Variants in RNF111 observed in about 807,000 individuals in gnomAD.
RNF111 encodes ring finger protein 111.
Under a neutral mutation model 95.1 loss-of-function variants are expected in RNF111, and 17 were observed. The ratio of observed to expected loss-of-function variants is 0.18; its 90% confidence interval spans 0.12 to 0.27. The LOEUF is 0.27. RNF111 is among the 10% of genes least tolerant of loss of function. RNF111 has a pLI of 1.00. For missense variants in RNF111, 1,189 were observed against 1,210.4 expected (o/e 0.98, Z 0.26); for synonymous variants, 440 against 414.8 (o/e 1.06, Z -0.74).
intron 10 of RNF111, among the ~76,000 whole-genome samples, chr15:59,088,251 G>T (rs971431879): frequency 6.6e-6 from 1 of 152,228 alleles, no homozygotes; most frequent in East Asian, 1.9e-4. Context: ...GATTGAGTTC[G>T]AATAGGAGAA....
chr15:59,060,843 C>T (rs1233926542), intron 5 of RNF111, among the ~76,000 whole-genome samples: 1 of 149,548 alleles, frequency 6.7e-6, no homozygotes, highest in Non-Finnish European at 1.5e-5. Context: ...ACTCTGTTGC[C>T]CAGGCCTGTG....
intron 2 of RNF111, among the ~76,000 whole-genome samples, chr15:59,050,066 C>CT (rs199954505): frequency 0.094 from 12,968 of 138,144 alleles, 732 homozygotes; most frequent in East Asian, 0.27. Flanking sequence ...TTTTCTTTTT[C>CT]TTTTTTTTTT....
intron 1 of RNF111, among the ~76,000 whole-genome samples, chr15:59,026,452 T>C (rs2040615088): frequency 6.6e-6 from 1 of 152,182 alleles, no homozygotes; most frequent in Admixed American, 6.5e-5. Flanking sequence ...GGTTTCAGTA[T>C]TGAAACAGTG....
intron 2 of RNF111, among the ~76,000 whole-genome samples, chr15:59,037,678 A>C (rs2041246199): frequency 6.6e-6 from 1 of 152,062 alleles, no homozygotes; most frequent in Non-Finnish European, 1.5e-5. Flanking sequence ...CTCTACTAAA[A>C]ATACAAAATT....
chr15:59,052,560 G>A, intron 3 of RNF111, 129 bp downstream of exon 3: 1 of 376,798 alleles, frequency 2.7e-6, no homozygotes. Context: ...GCATATATCA[G>A]ATTAGTGGAT....
chr15:59,028,275 C>T (rs1343655585), intron 1 of RNF111, among the ~76,000 whole-genome samples: 1 of 152,160 alleles, frequency 6.6e-6, no homozygotes, highest in Non-Finnish European at 1.5e-5. Context: ...TTTTACTTAG[C>T]ATATTGTTTA....
At chr15:59,078,845 C>T (rs1044538263) in intron 7 of RNF111, among the ~76,000 whole-genome samples, 9 of 144,070 alleles carry the variant, frequency 6.2e-5, no homozygotes, top group South Asian at 2.2e-4. Flanking sequence ...GGCGATAGAG[C>T]GAGTCTCCCT....
At position 59,065,323 on chromosome 15, in the gene RNF111, T is replaced by C. The variant is rs2042609466; in HGVS notation, c.1367-1441T>C. Among the ~76,000 whole-genome samples the C allele has an allele frequency of 2.0e-5, 3 of 152,194 alleles. No individual in the cohort carries two copies. In the South Asian group the frequency reaches 6.2e-4, roughly 32 times the overall value. On this transcript the variant is annotated intron_variant, in intron 5 of 13. Transcript: ENST00000348370. ...AAGCGTTTCTAGGTTTTAAATGAAT[T>C]TGAAACACTGGGACAGACTTTCAGA...
At position 59,076,228 on chromosome 15, in the gene RNF111, T is replaced by A. The variant is rs374626414; in HGVS notation, c.1948+13T>A. 19 of 1,605,188 alleles carry A rather than the reference T, an allele frequency of 1.2e-5. No homozygotes were observed. The highest frequency in any genetic ancestry group is 1.7e-4 in the Middle Eastern group (1 of 6,034). ...ATGCCACCCCCTTGTAAGTATATAC[T>A]TAGTGGACACAAAATCTAGAGTCAT... On this transcript the variant is annotated intron_variant, in intron 7 of 13. Coordinates refer to ENST00000348370, the MANE Select transcript of RNF111 (RefSeq NM_017610.8).
chr15:58,987,946 C>G lies in RNF111; in HGVS notation c.-142C>G, dbSNP rs1170300198. 1 of 152,490 alleles carries G rather than the reference C, an allele frequency of 6.6e-6. No homozygotes were observed. Among genetic ancestry groups the G allele is most frequent in the Non-Finnish European group, 1.5e-5 (1 of 68,168 alleles). 9.4% of individuals were successfully genotyped at this position (152,490 alleles called of 1,614,324 possible). On this transcript the variant is annotated 5_prime_UTR_variant, in exon 1 of 14. Coordinates refer to ENST00000348370, the MANE Select transcript of RNF111 (RefSeq NM_017610.8). ...TCTTGACTCTAGGGGCCTATTAGGC[C>G]GACGTCTGAGGCGCAGATCGCTGGC... is the stretch of plus-strand genomic sequence containing the variant.
chr15:59,081,081 T>C lies in RNF111; in HGVS notation c.2094T>C (p.Ser698=). The C allele has an allele frequency of 5.6e-6, 9 of 1,614,118 alleles. No individual in the cohort carries two copies. The highest frequency in any genetic ancestry group is 6.8e-6 in the Non-Finnish European group (8 of 1,180,010). The part of the protein sequence containing the change: ...PVHAFHSQIS[S]HATSHPVAPP... ...ATGCTTTCCATTCTCAAATATCTTC[T>C]CATGCAACATCTCATCCTGTGGCAC... is the stretch of plus-strand genomic sequence containing the variant. Residue 698 remains serine, a synonymous_variant, in exon 8 of 14, where the codon TCT becomes TCC. Transcript: ENST00000348370.
At chr15:59,027,189 A>G (rs1038632470) in intron 1 of RNF111, among the ~76,000 whole-genome samples, 1 of 152,072 alleles carries the variant, frequency 6.6e-6, no homozygotes, top group Non-Finnish European at 1.5e-5. Context: ...ACGGATGAGG[A>G]GTCTAATTTT....
At position 59,055,765 on chromosome 15, in the gene RNF111, A is replaced by C; in HGVS notation, c.1091A>C (p.Asn364Thr). ...GCAAGTCGGCCACAGGAGCCACGGA[A>C]CCGCAGTAGGATTTCTACTGTTATA... ...SHASRPQEPR[N>T]RSRISTVIQP... The change falls in exon 4 of 14, where the codon AAC (asparagine) becomes ACC (threonine). Residue 364 changes from asparagine (N) to threonine (T), a missense_variant. Around this residue, in one of 2 missense-constraint regions of RNF111, gnomAD observed 1,024 missense variants for 925.9 expected, o/e 1.11. Coordinates refer to ENST00000348370, the MANE Select transcript of RNF111 (RefSeq NM_017610.8). 1.2e-6 allele frequency: 2 copies of C among 1,614,034 alleles called. No homozygotes were observed. The highest frequency in any genetic ancestry group is 1.7e-6 in the Non-Finnish European group (2 of 1,179,954).
intron 5 of RNF111, 67 bp from the exon 6 acceptor site, chr15:59,066,697 A>T: frequency 1.7e-6 from 2 of 1,205,158 alleles, no homozygotes; most frequent in Non-Finnish European, 2.4e-6. Context: ...TTTATACCCC[A>T]TACCTATTTT....
chr15:59,058,211 A>G, intron 4 of RNF111, 145 bp from the exon 5 acceptor site: 1 of 658,150 alleles, frequency 1.5e-6, no homozygotes, highest in Non-Finnish European at 2.5e-6. Context: ...AGCTTTGTGA[A>G]CGCTTTCTTT....
chr15:59,008,284 C>A (rs575890475), intron 1 of RNF111, among the ~76,000 whole-genome samples: 1 of 152,284 alleles, frequency 6.6e-6, no homozygotes, highest in East Asian at 1.9e-4. Context: ...GTGGCACAGT[C>A]GTGGATCACT....
intron 1 of RNF111, among the ~76,000 whole-genome samples, chr15:59,009,492 T>G (rs542446014): frequency 6.6e-6 from 1 of 150,680 alleles, no homozygotes; most frequent in East Asian, 2.0e-4. Context: ...GATCTGAAAT[T>G]ATCAAATTCT....
At chr15:59,042,047 G>C (rs1166810005) in intron 2 of RNF111, among the ~76,000 whole-genome samples, 1 of 142,934 alleles carries the variant, frequency 7.0e-6, no homozygotes, top group Non-Finnish European at 1.5e-5. Flanking sequence ...TTATATATTA[G>C]CAATGTAAGT....
intron 6 of RNF111, among the ~76,000 whole-genome samples, chr15:59,070,066 G>T (rs1408915530): frequency 9.4e-6 from 1 of 106,376 alleles, no homozygotes; most frequent in Non-Finnish European, 1.7e-5. Context: ...TTTTAGAGAG[G>T]ATCTTGCCTT....
Sources: gnomAD v4.1 joint callset for allele counts (sites outside exome capture counted in the v4.1 genomes callset) on GRCh38, gnomAD v4.1.1 for gene constraint, gnomAD v4.1.1 regional missense constraint, MANE v1.5 for transcripts, NCBI Gene and HGNC (gene_info 2026-07-23, HGNC 2026-07-21) for gene names.